Variants in ZNF280D observed in about 807,000 individuals in gnomAD.
ZNF280D encodes zinc finger protein 280D, also known as suppressor of hairy wing homolog 4.
In ZNF280D, 39 loss-of-function variants were observed where a neutral mutation model predicts 94.7. The observed-to-expected ratio is 0.41, with a 90% CI of 0.32 to 0.54. ZNF280D has a LOEUF of 0.54. Ranked by LOEUF, ZNF280D falls within the 20% of genes least tolerant of loss-of-function variation. The pLI is 0.22. For missense variants in ZNF280D, 1,090 were observed against 1,149.3 expected, an observed-to-expected ratio of 0.95 and a Z score of 0.75; for synonymous variants, 398 against 377.6, an observed-to-expected ratio of 1.05 and a Z score of -0.63.
chr15:56,690,289 G>A (rs1204944015), intron 7 of ZNF280D, among the ~76,000 whole-genome samples: 1 of 152,166 alleles, frequency 6.6e-6, no homozygotes, highest in African/African-American at 2.4e-5. Flanking sequence ...GGCTGAGGCA[G>A]GAGAATGGCA....
At chr15:56,690,510 G>T (rs1424702971) in intron 7 of ZNF280D, among the ~76,000 whole-genome samples, 1 of 152,156 alleles carries the variant, frequency 6.6e-6, no homozygotes, top group Non-Finnish European at 1.5e-5. Context: ...TTGTTTTAGA[G>T]AATATATTGA....
chr15:56,716,386 T>G (rs2058043988), intron 1 of ZNF280D, among the ~76,000 whole-genome samples: 1 of 151,538 alleles, frequency 6.6e-6, no homozygotes, highest in Admixed American at 6.6e-5. Flanking sequence ...GGGTTGGAGT[T>G]AACTAGGCAA....
intron 1 of ZNF280D, among the ~76,000 whole-genome samples, chr15:56,715,364 C>T (rs2057985886): frequency 6.6e-6 from 1 of 152,142 alleles, no homozygotes; most frequent in South Asian, 2.1e-4. Flanking sequence ...TATTCCCTCT[C>T]CTGCCCTATT....
chr15:56,647,175 G>C (rs148835137), intron 19 of ZNF280D, among the ~76,000 whole-genome samples: 5 of 152,200 alleles, frequency 3.3e-5, no homozygotes, highest in African/African-American at 1.2e-4. Flanking sequence ...CAAGCTGAGA[G>C]TCCAGTTAAG....
chr15:56,733,228 G>C (rs1291965065), intron 1 of ZNF280D, among the ~76,000 whole-genome samples: 1 of 152,270 alleles, frequency 6.6e-6, no homozygotes, highest in South Asian at 2.1e-4. Context: ...CAGCCGAGGC[G>C]GCTGCCGCGT....
chr15:56,688,420 G>A (rs1422677488), intron 9 of ZNF280D, among the ~76,000 whole-genome samples: 3 of 150,018 alleles, frequency 2.0e-5, no homozygotes, highest in South Asian at 4.2e-4. Context: ...GAACCTGGGA[G>A]GTGGAGCTTG....
chr15:56,682,484 G>GATA lies in ZNF280D; in HGVS notation c.781-8_781-7insTAT. ...TCATGTCTGGACAACAATACTGAAAGAGAAAAAAAAAAAAAAAAAACAAGC... is the reference window on the plus strand; with the variant it reads ...TCATGTCTGGACAACAATACTGAAAGATAAGAAAAAAAAAAAAAAAAAACAAGC... On this transcript the variant is annotated splice_region_variant and splice_polypyrimidine_tract_variant and intron_variant, in intron 9 of 21. Transcript: ENST00000267807. 4.0e-5 allele frequency: 16 copies of GATA among 400,598 alleles called. No individual in the cohort carries two copies. The highest frequency in any genetic ancestry group is 5.4e-5 in the Non-Finnish European group (15 of 279,198). 24.8% of individuals were successfully genotyped at this position (400,598 alleles called of 1,614,324 possible).
intron 1 of ZNF280D, among the ~76,000 whole-genome samples, chr15:56,714,823 T>C (rs1279224155): frequency 1.3e-5 from 2 of 152,174 alleles, no homozygotes; most frequent in African/African-American, 4.8e-5. Flanking sequence ...AATAAAATAC[T>C]TGATAATATT....
intron 19 of ZNF280D, chr15:56,653,581 C>A (rs1176409790): frequency 6.7e-7 from 1 of 1,498,164 alleles, no homozygotes; most frequent in South Asian, 1.3e-5. Flanking sequence ...TTTTTGAAAT[C>A]TCTGGGCTGC....
At chr15:56,700,258 T>C (rs2056984459) in intron 6 of ZNF280D, 1 of 767,142 alleles carries the variant, frequency 1.3e-6, no homozygotes, top group Non-Finnish European at 1.6e-6. Context: ...AAATCCCAGA[T>C]CCATCAACTG....
chr15:56,640,995 T>C (rs115147971), intron 20 of ZNF280D, among the ~76,000 whole-genome samples: 2,587 of 152,184 alleles, frequency 0.017, 61 homozygotes, highest in African/African-American at 0.054. Flanking sequence ...GTTTAGAAAT[T>C]CAAAATCTGA....
intron 16 of ZNF280D, among the ~76,000 whole-genome samples, chr15:56,660,328 G>GA (rs1189748480): frequency 1.3e-5 from 2 of 152,072 alleles, no homozygotes; most frequent in Admixed American, 6.6e-5. Context: ...TAAGAGGAGA[G>GA]AAAATCTTAT....
At position 56,689,320 on chromosome 15, in the gene ZNF280D, G is replaced by T. The variant is rs574906567; in HGVS notation, c.650C>A (p.Ser217Tyr). ...PSVKSPSVTS[S>Y]QAMLAKGTNT... ...TTTACCTTTTGCTAGCATAGCCTGG[G>T]AAGAAGTCACTGAAGGAGATTTAAC... Residue 217 changes from serine to tyrosine, a missense_variant, in exon 8 of 22, where the codon TCC (serine) becomes TAC (tyrosine). By Grantham distance (144) the Ser-to-Tyr change is moderately radical. This residue lies in a region of ZNF280D where 386 missense variants were observed against 372.0 expected (regional missense o/e 1.04). Transcript: ENST00000267807. 1 of 1,601,792 alleles carries T rather than the reference G, an allele frequency of 6.2e-7. No homozygotes were observed. Among genetic ancestry groups the T allele is most frequent in the Admixed American group, 1.7e-5 (1 of 57,522 alleles).
chr15:56,715,850 A>G (rs2058016373), intron 1 of ZNF280D, among the ~76,000 whole-genome samples: 1 of 152,202 alleles, frequency 6.6e-6, no homozygotes, highest in African/African-American at 2.4e-5. Context: ...CCACAACCAC[A>G]GATTCAACCA....
intron 10 of ZNF280D, among the ~76,000 whole-genome samples, chr15:56,679,548 C>T (rs1435509238): frequency 6.6e-6 from 1 of 152,158 alleles, no homozygotes; most frequent in Non-Finnish European, 1.5e-5. Context: ...TAATAGGCTT[C>T]TATGAGCAGG....
chr15:56,731,789 G>A (rs1279107656), intron 1 of ZNF280D, among the ~76,000 whole-genome samples: 1 of 152,112 alleles, frequency 6.6e-6, no homozygotes, highest in African/African-American at 2.4e-5. Context: ...AAAAGGTAGC[G>A]TTAAAACTAA....
intron 17 of ZNF280D, 92 bp downstream of exon 17, chr15:56,658,332 C>T: frequency 2.3e-6 from 2 of 851,252 alleles, no homozygotes; most frequent in South Asian, 3.3e-5. Flanking sequence ...GTATGGTATG[C>T]TAATTCTACC....
intron 6 of ZNF280D, chr15:56,699,631 A>T (rs1259796946): frequency 1.1e-6 from 1 of 878,332 alleles, no homozygotes; most frequent in African/African-American, 1.8e-5. Flanking sequence ...TGATATTGTA[A>T]ATACTTTAAA....
chr15:56,692,390 T>C (rs1348980509), intron 7 of ZNF280D, among the ~76,000 whole-genome samples: 3 of 152,102 alleles, frequency 2.0e-5, no homozygotes, highest in African/African-American at 7.2e-5. Context: ...TACGTCTGTT[T>C]AGTCAAATAT....
Sources: allele counts gnomAD v4.1 joint callset (sites outside exome capture counted in the v4.1 genomes callset), GRCh38; gene constraint gnomAD v4.1.1; regional missense constraint gnomAD v4.1.1; transcripts MANE v1.5; gene names NCBI Gene and HGNC (gene_info 2026-07-23, HGNC 2026-07-21).